Variants in TXNDC12 observed in about 807,000 individuals in gnomAD.
TXNDC12 encodes thioredoxin domain-containing protein 12.
A neutral mutation model predicts 24.2 loss-of-function variants in TXNDC12; 22 were observed. The ratio of observed to expected loss-of-function variants is 0.91; its 90% CI spans 0.65 to 1.30. TXNDC12 has a LOEUF of 1.30. TXNDC12 is among the 50% of genes most tolerant of loss of function. The probability of loss-of-function intolerance (pLI) is 0.00; values close to 1 mark genes in which losing one functional copy is unlikely to be tolerated. For synonymous variants in TXNDC12, 58 were observed against 73.4 expected, an observed-to-expected ratio of 0.79 and a Z score of 1.07; for missense variants, 184 against 205.8, an observed-to-expected ratio of 0.89 and a Z score of 0.65.
At chr1:52,033,167 C>A (rs1328364484) in intron 2 of TXNDC12, 3 of 1,614,232 alleles carry the variant, frequency 1.9e-6, no homozygotes, top group Non-Finnish European at 2.5e-6. Flanking sequence ...GCACCGGACC[C>A]ATGCTTTGCA....
Position 52,044,201 on chromosome 1 carries a change from A to G in TXNDC12, c.98-2604T>C, listed in dbSNP as rs550280658. 6 of 152,384 alleles carry G rather than the reference A, an allele frequency of 3.9e-5. No individual in the cohort carries two copies. The South Asian group carries it at 1.2e-3, about 32-fold the overall frequency. 9.4% of individuals were successfully genotyped at this position (152,384 alleles called of 1,614,324 possible). On this transcript the variant is annotated intron_variant, in intron 1 of 6. Coordinates refer to ENST00000371626, the MANE Select transcript of TXNDC12 (RefSeq NM_015913.4). ...TAAAATGGACTTTCAGAATGTGCTC[A>G]CTAGACTCAGTAATGACAGAACCCT...
intron 4 of TXNDC12, 67 bp from the exon 5 acceptor site, chr1:52,024,646 C>T: frequency 7.7e-7 from 1 of 1,303,916 alleles, no homozygotes; most frequent in East Asian, 2.5e-5. Context: ...CATTCAGTGG[C>T]TTCCCCACTT....
rs1431361757 is a variant in TXNDC12, at chr1:52,020,792, C to T, written c.*141G>A. On this transcript the variant is annotated 3_prime_UTR_variant, in exon 7 of 7. Transcript: ENST00000371626. ...AGCTTCTGTTAGCAGAACTCTTCCACAGTGAGAGCGCTCCTTCCAGTGTAG... is the reference window on the plus strand; with the variant it reads ...AGCTTCTGTTAGCAGAACTCTTCCATAGTGAGAGCGCTCCTTCCAGTGTAG... The T allele has an allele frequency of 1.6e-6, 1 of 644,054 alleles. No homozygotes were observed. Among genetic ancestry groups the T allele is most frequent in the Non-Finnish European group, 2.7e-6 (1 of 373,696 alleles). The allele number at this position is 644,054 out of a possible 1,614,324, so 39.9% of individuals were successfully genotyped here. A position where few individuals can be genotyped will look rare whatever the true frequency, so the allele number is the denominator to read the frequency against.
At chr1:52,027,369 G>C in intron 3 of TXNDC12, 21 bp from the exon 4 acceptor site, 9 of 1,563,162 alleles carry the variant, frequency 5.8e-6, no homozygotes, top group Non-Finnish European at 7.9e-6. Context: ...AAAGATTTTG[G>C]AATAGAAGAA....
At chr1:52,021,060 G>C (rs989168447) in intron 6 of TXNDC12, 48 bp from the exon 7 acceptor site, 12 of 1,328,280 alleles carry the variant, frequency 9.0e-6, no homozygotes, top group Non-Finnish European at 1.3e-5. Flanking sequence ...AGTAATGTTT[G>C]ACATTTGACA....
intron 1 of TXNDC12, among the ~76,000 whole-genome samples, chr1:52,043,278 T>C (rs534527490): frequency 2.0e-5 from 3 of 152,378 alleles, no homozygotes; most frequent in African/African-American, 7.2e-5. Context: ...AATGTTTATG[T>C]GTCCATCTCT....
chr1:52,023,499 G>A lies in TXNDC12; in HGVS notation c.431C>T (p.Ala144Val), dbSNP rs1685630468. 2 of 1,613,176 alleles carry A rather than the reference G, an allele frequency of 1.2e-6. No individual in the cohort carries two copies. The highest frequency in any genetic ancestry group is 1.3e-5 in the African/African-American group (1 of 74,868). ...NPSYKYFYVS[A>V]EQVVQGMKEA... ...CTTCAGCATAACTATACCTTGCTCG[G>A]CACTGACATAAAAATACTTGTAGCT... The change falls in exon 6 of 7, where the codon GCC becomes GTC. Residue 144 changes from alanine to valine, a missense_variant. Transcript: ENST00000371626.
Position 52,024,580 on chromosome 1 carries a change from C to T in TXNDC12, c.286-1G>A. The T allele has an allele frequency of 6.2e-7, 1 of 1,605,888 alleles. No homozygotes were observed. Among genetic ancestry groups the T allele is most frequent in the Non-Finnish European group, 8.5e-7 (1 of 1,174,754 alleles). Reference sequence around the variant, plus strand: ...CTTCATCTTTGGGTTCCTCTTCATCCTATTAAGATTAAATGTAAACCTTAA... The same window carrying T: ...CTTCATCTTTGGGTTCCTCTTCATCTTATTAAGATTAAATGTAAACCTTAA... On this transcript the variant is annotated splice_acceptor_variant, in intron 4 of 6. Transcript: ENST00000371626. LOFTEE classifies it high-confidence loss of function.
At chr1:52,024,071 T>C (rs1225388361) in intron 5 of TXNDC12, among the ~76,000 whole-genome samples, 2 of 151,914 alleles carry the variant, frequency 1.3e-5, no homozygotes, top group African/African-American at 4.8e-5. Flanking sequence ...TATGGCTCAC[T>C]GCAGCCTTGA....
chr1:52,040,411 T>C (rs986912805), intron 2 of TXNDC12, among the ~76,000 whole-genome samples: 8 of 151,972 alleles, frequency 5.3e-5, no homozygotes, highest in Non-Finnish European at 5.9e-5. Flanking sequence ...GGTCTCAACC[T>C]CCTGGGCTCA....
At chr1:52,046,866 A>AATAT (rs869028968) in intron 1 of TXNDC12, among the ~76,000 whole-genome samples, 32 of 30,166 alleles carry the variant, frequency 1.1e-3, no homozygotes, top group Non-Finnish European at 2.2e-3. Context: ...AAAAAAAAAA[A>AATAT]ATATATATAT....
intron 1 of TXNDC12, among the ~76,000 whole-genome samples, chr1:52,043,048 C>A (rs1279065699): frequency 6.6e-6 from 1 of 152,262 alleles, no homozygotes; most frequent in East Asian, 1.9e-4. Flanking sequence ...CAGGCATGAG[C>A]CACCGCACCC....
chr1:52,026,929 G>A (rs755639690), intron 4 of TXNDC12, among the ~76,000 whole-genome samples: 1 of 151,946 alleles, frequency 6.6e-6, no homozygotes, highest in Non-Finnish European at 1.5e-5. Flanking sequence ...CCAACCACTC[G>A]GGAGGCGGAG....
intron 1 of TXNDC12, among the ~76,000 whole-genome samples, chr1:52,053,792 T>G (rs930268851): frequency 6.6e-6 from 1 of 152,198 alleles, no homozygotes; most frequent in Non-Finnish European, 1.5e-5. Context: ...AACCCACATA[T>G]CACCTTCTCC....
intron 1 of TXNDC12, among the ~76,000 whole-genome samples, chr1:52,042,868 C>T (rs764932674): frequency 7.2e-5 from 11 of 152,120 alleles, no homozygotes; most frequent in Non-Finnish European, 1.0e-4. Context: ...GTGATCTGCC[C>T]GCCTCAGCCT....
intron 2 of TXNDC12, among the ~76,000 whole-genome samples, chr1:52,029,740 C>T (rs1437170151): frequency 6.6e-6 from 1 of 152,198 alleles, no homozygotes; most frequent in East Asian, 1.9e-4. Context: ...GTGCCAGGCA[C>T]TACTGTAAAT....
chr1:52,028,251 G>A (rs1259079704), intron 3 of TXNDC12, among the ~76,000 whole-genome samples: 1 of 152,166 alleles, frequency 6.6e-6, no homozygotes, highest in Non-Finnish European at 1.5e-5. Flanking sequence ...CACAGAGTCA[G>A]ATAACTTGGG....
At chr1:52,051,952 C>A (rs1486779742) in intron 1 of TXNDC12, 1 of 168,538 alleles carries the variant, frequency 5.9e-6, no homozygotes, top group Non-Finnish European at 1.5e-5. Flanking sequence ...GTATTAATTC[C>A]TTTTAGGGAT....
intron 1 of TXNDC12, among the ~76,000 whole-genome samples, chr1:52,052,132 T>C (rs2809956): frequency 0.93 from 141,696 of 152,254 alleles, 66,818 homozygotes; most frequent in East Asian, 1. Flanking sequence ...CTGGTATTTC[T>C]CTGCTTAAAG....
Sources: allele counts gnomAD v4.1 joint callset (sites outside exome capture counted in the v4.1 genomes callset), GRCh38; gene constraint gnomAD v4.1.1; transcripts MANE v1.5; gene names NCBI Gene and HGNC (gene_info 2026-07-23, HGNC 2026-07-21).